Variants in TIAM2 observed in about 807,000 individuals in gnomAD.
TIAM2 encodes the protein rho guanine nucleotide exchange factor TIAM2.
TIAM2 carries 80 observed loss-of-function variants against 152.9 expected under a neutral mutation model. That is an observed-to-expected ratio of 0.52 (90% CI 0.44 to 0.63). The LOEUF is 0.63. TIAM2 is among the 30% of genes least tolerant of loss of function. TIAM2 has a pLI of 0.00. For missense variants in TIAM2, 1,965 were observed against 2,120.1 expected, an observed-to-expected ratio of 0.93 and a Z score of 1.44; for synonymous variants, 804 against 838.0, an observed-to-expected ratio of 0.96 and a Z score of 0.70.
intron 7 of TIAM2, among the ~76,000 whole-genome samples, chr6:155,155,151 G>A (rs553931231): frequency 3.1e-4 from 47 of 152,046 alleles, no homozygotes; most frequent in African/African-American, 1.1e-3. Flanking sequence ...TATTTTTTAA[G>A]GCAGGCAATA....
intron 15 of TIAM2, among the ~76,000 whole-genome samples, chr6:155,229,932 C>T (rs1782391367): frequency 6.6e-6 from 1 of 152,038 alleles, no homozygotes. Flanking sequence ...TTCACTATCA[C>T]GAGTACAGCA....
chr6:155,147,393 G>A (rs977443548), intron 6 of TIAM2, among the ~76,000 whole-genome samples: 14 of 152,156 alleles, frequency 9.2e-5, no homozygotes, highest in East Asian at 1.9e-4. Flanking sequence ...TGCAACCTCC[G>A]CCCCCTGGGC....
At chr6:155,081,503 T>C (rs1778060798) in intron 1 of TIAM2, among the ~76,000 whole-genome samples, 1 of 151,746 alleles carries the variant, frequency 6.6e-6, no homozygotes, top group African/African-American at 2.4e-5. Context: ...GTTTGGAAAA[T>C]GCACTTGGCT....
rs10626644 is a variant in TIAM2, at chr6:155,198,666, CAAAAAAAAA to C, written c.3065-12522_3065-12514del. On this transcript the variant is annotated intron_variant, in intron 14 of 26. Transcript: ENST00000682666. ...AACAAGAGCAAACAAGAGCAAATCT[CAAAAAAAAA>C]AAAAAAAAAAAAAAATCTCTTAATG... is the stretch of plus-strand genomic sequence containing the variant. Among the ~76,000 whole-genome samples, 4 of 70,318 alleles carry C rather than the reference CAAAAAAAAA, an allele frequency of 5.7e-5. No individual in the cohort carries two copies. The South Asian group carries it at 2.3e-3, about 40-fold the overall frequency. The allele number at this position is 70,318 out of a possible 152,430, so 46.1% of individuals were successfully genotyped here. A position where few individuals can be genotyped will look rare whatever the true frequency, so the allele number is the denominator to read the frequency against.
At chr6:155,049,357 G>T (rs2114921295) in intron 1 of TIAM2, among the ~76,000 whole-genome samples, 1 of 152,206 alleles carries the variant, frequency 6.6e-6, no homozygotes, top group African/African-American at 2.4e-5. Flanking sequence ...CAGAAGGCTG[G>T]TTCTGCAGGT....
chr6:155,146,113 C>A (rs573905614), intron 6 of TIAM2, among the ~76,000 whole-genome samples: 2 of 152,232 alleles, frequency 1.3e-5, no homozygotes, highest in African/African-American at 4.8e-5. Flanking sequence ...TGAGAGTTTT[C>A]CCGCCTGTGA....
Position 155,256,913 on chromosome 6 carries a change from G to A in TIAM2, c.4898G>A (p.Cys1633Tyr). The change falls in exon 27 of 27, where the codon TGC becomes TAC. Residue 1633 changes from cysteine to tyrosine, a missense_variant. Physicochemically the swap from Cys to Tyr is radical, Grantham distance 194. This residue lies in a region of TIAM2 where 935 missense variants were observed against 980.0 expected (regional missense o/e 0.95). Coordinates refer to ENST00000682666, the MANE Select transcript of TIAM2 (RefSeq NM_012454.4). ...EQPKLVRGHF[C>Y]PIKRKANSTK... Reference sequence around the variant, plus strand: ...CCCAAACTGGTCCGGGGGCACTTCTGCCCCATTAAACGAAAAGCCAACAGC... The same window carrying A: ...CCCAAACTGGTCCGGGGGCACTTCTACCCCATTAAACGAAAAGCCAACAGC... 2 of 1,614,180 alleles carry A rather than the reference G, an allele frequency of 1.2e-6. No homozygotes were observed. The highest frequency in any genetic ancestry group is 2.2e-5 in the South Asian group (2 of 91,088).
At chr6:155,248,286 T>A in intron 20 of TIAM2, 107 bp downstream of exon 20, 1 of 1,303,406 alleles carries the variant, frequency 7.7e-7, no homozygotes, top group South Asian at 1.5e-5. Context: ...TAGTGGCACG[T>A]CCTAAGTCAC....
At chr6:155,062,067 C>G (rs964983006) in intron 1 of TIAM2, among the ~76,000 whole-genome samples, 4 of 151,256 alleles carry the variant, frequency 2.6e-5, no homozygotes, top group African/African-American at 9.7e-5. Context: ...CTTACCCTCG[C>G]CACCGCCCCT....
chr6:155,134,604 G>A (rs1779517121), intron 4 of TIAM2, among the ~76,000 whole-genome samples: 1 of 152,090 alleles, frequency 6.6e-6, no homozygotes, highest in African/African-American at 2.4e-5. Context: ...TAATTCCAGT[G>A]TTTTTGGGCG....
intron 15 of TIAM2, among the ~76,000 whole-genome samples, chr6:155,222,238 G>A (rs1008966371): frequency 6.6e-6 from 1 of 151,960 alleles, no homozygotes; most frequent in Non-Finnish European, 1.5e-5. Context: ...ACAGGCGTGA[G>A]CCACCACACC....
intron 1 of TIAM2, among the ~76,000 whole-genome samples, chr6:155,077,989 T>C (rs1777993372): frequency 2.0e-5 from 3 of 152,228 alleles, no homozygotes; most frequent in African/African-American, 7.2e-5. Context: ...TTGCTCAATA[T>C]TGATTAATGG....
chr6:155,054,604 C>T (rs1424611314), intron 1 of TIAM2, among the ~76,000 whole-genome samples: 5 of 150,976 alleles, frequency 3.3e-5, no homozygotes, highest in Non-Finnish European at 2.9e-5. Flanking sequence ...TTTTTTGAGA[C>T]GGAGTCTCAC....
intron 5 of TIAM2, among the ~76,000 whole-genome samples, chr6:155,138,666 A>G (rs1056484045): frequency 1.8e-4 from 27 of 151,976 alleles, no homozygotes; most frequent in African/African-American, 5.1e-4. Context: ...ATTCCCACCT[A>G]TGAGTGAGAA....
intron 8 of TIAM2, 36 bp from the exon 9 acceptor site, chr6:155,165,227 G>A: frequency 6.3e-7 from 1 of 1,581,706 alleles, no homozygotes; most frequent in Non-Finnish European, 8.6e-7. Context: ...CAAATACTAA[G>A]CCTTTAGATT....
chr6:155,136,999 T>G (rs1779569641), intron 4 of TIAM2, among the ~76,000 whole-genome samples, 178 bp from the exon 5 acceptor site: 1 of 152,252 alleles, frequency 6.6e-6, no homozygotes, highest in Non-Finnish European at 1.5e-5. Flanking sequence ...TGGGCAACAC[T>G]ATTTTTAAAA....
At chr6:155,220,941 G>T (rs77412666) in intron 15 of TIAM2, among the ~76,000 whole-genome samples, 1,789 of 151,830 alleles carry the variant, frequency 0.012, 18 homozygotes, top group Non-Finnish European at 0.018. Flanking sequence ...TACAGGCCCC[G>T]GTGTGTGATG....
chr6:155,189,768 G>A (rs1781150599), intron 14 of TIAM2, among the ~76,000 whole-genome samples: 1 of 152,130 alleles, frequency 6.6e-6, no homozygotes, highest in Non-Finnish European at 1.5e-5. Context: ...GGTCAGAGGT[G>A]GGATTTCCAC....
At chr6:155,001,324 T>TCCAG (rs1371048594) in intron 1 of TIAM2, among the ~76,000 whole-genome samples, 1 of 152,206 alleles carries the variant, frequency 6.6e-6, no homozygotes, top group Admixed American at 6.5e-5. Flanking sequence ...GAGATTTGAA[T>TCCAG]CCAGGTCTGT....
Sources: gnomAD v4.1 joint callset for allele counts (sites outside exome capture counted in the v4.1 genomes callset) on GRCh38, gnomAD v4.1.1 for gene constraint, gnomAD v4.1.1 regional missense constraint, MANE v1.5 for transcripts, NCBI Gene and HGNC (gene_info 2026-07-23, HGNC 2026-07-21) for gene names.